HIGD1C: variants seen among roughly 807,000 people sequenced by gnomAD.
HIGD1C encodes the protein HIG1 hypoxia inducible domain family member 1C.
HIGD1C carries 11 observed loss-of-function variants against 13.1 expected under a neutral mutation model. That is an observed-to-expected ratio of 0.84 (90% CI 0.53 to 1.39). The LOEUF (loss-of-function observed/expected upper bound fraction) is 1.39, where lower values mean the gene tolerates loss of function less well. HIGD1C is among the 40% of genes most tolerant of loss of function. The pLI is 0.00. For synonymous variants in HIGD1C, 36 were observed against 37.7 expected, an observed-to-expected ratio of 0.95 and a Z score of 0.17; for missense variants, 110 against 112.0, an observed-to-expected ratio of 0.98 and a Z score of 0.08.
chr12:50,961,149 C>T (rs768461306), intron 2 of HIGD1C, 47 bp downstream of exon 4: 14 of 1,586,186 alleles, frequency 8.8e-6, no homozygotes, highest in Non-Finnish European at 1.2e-5. Context: ...TTTGAGAGTA[C>T]ATTTATTTAT....
upstream of HIGD1C, among the ~76,000 whole-genome samples, chr12:50,950,981 G>A (rs1938883424): frequency 6.7e-6 from 1 of 149,976 alleles, no homozygotes; most frequent in Non-Finnish European, 1.5e-5. Flanking sequence ...ACCGCGCCCG[G>A]CCATAAGTTT....
intron 2 of HIGD1C, among the ~76,000 whole-genome samples, chr12:50,968,379 G>A (rs1159801345): frequency 1.2e-4 from 18 of 151,786 alleles, no homozygotes; most frequent in Admixed American, 1.2e-3. Flanking sequence ...CAGTTACACT[G>A]ATTCTTTTTT....
At chr12:50,972,383 G>T (rs1191156264), downstream of HIGD1C, among the ~76,000 whole-genome samples, 1 of 152,144 alleles carries the variant, frequency 6.6e-6, no homozygotes, top group Non-Finnish European at 1.5e-5. Context: ...CTATGCATGA[G>T]AACCTACAAA....
chr12:50,949,849 C>A (rs1350656773), upstream of HIGD1C, among the ~76,000 whole-genome samples: 1 of 152,074 alleles, frequency 6.6e-6, no homozygotes, highest in African/African-American at 2.4e-5. Context: ...GTAGCAGAAC[C>A]ACCACCCAAG....
chr12:50,938,121 T>C, the HIGD1C span, among the ~76,000 whole-genome samples: 24 of 152,168 alleles, frequency 1.6e-4, no homozygotes, highest in African/African-American at 5.8e-4. Flanking sequence ...GCCATCAATA[T>C]GCCCTCCACA....
the HIGD1C span, chr12:50,935,603 C>G: frequency 6.6e-6 from 1 of 152,240 alleles, no homozygotes; most frequent in South Asian, 2.1e-4. Flanking sequence ...ATCATCCTGC[C>G]TCAGGCTCCT....
At chr12:50,961,460 G>A (rs76637716) in intron 2 of HIGD1C, among the ~76,000 whole-genome samples, 5,551 of 152,244 alleles carry the variant, frequency 0.036, 150 homozygotes, top group Non-Finnish European at 0.055. Flanking sequence ...AGCAGCGATC[G>A]TATTTCCCAG....
At chr12:50,948,253 CAAAT>C in the HIGD1C span, among the ~76,000 whole-genome samples, 8 of 152,154 alleles carry the variant, frequency 5.3e-5, no homozygotes, top group Non-Finnish European at 1.0e-4. Flanking sequence ...TGAAACCTAA[CAAAT>C]AAGTTATTGA....
chr12:50,957,896 AC>A (rs1939161445), intron 1 of HIGD1C, among the ~76,000 whole-genome samples: 1 of 151,474 alleles, frequency 6.6e-6, no homozygotes, highest in Non-Finnish European at 1.5e-5. Flanking sequence ...AAGAAAAAAA[AC>A]AAAACAAAAA....
At chr12:50,941,901 T>G in the HIGD1C span, among the ~76,000 whole-genome samples, 1 of 152,168 alleles carries the variant, frequency 6.6e-6, no homozygotes, top group Non-Finnish European at 1.5e-5. Context: ...CCTTTTTTTC[T>G]TTTTTGAGAC....
At chr12:50,947,061 C>T in the HIGD1C span, among the ~76,000 whole-genome samples, 3 of 152,166 alleles carry the variant, frequency 2.0e-5, no homozygotes, top group African/African-American at 7.2e-5. Context: ...TCTACATCTG[C>T]TCCACTTCTA....
the HIGD1C span, among the ~76,000 whole-genome samples, chr12:50,936,586 C>T: frequency 3.3e-4 from 50 of 152,338 alleles, no homozygotes; most frequent in African/African-American, 1.2e-3. Flanking sequence ...GCCCAGGCCT[C>T]CCCCACTACA....
chr12:50,958,025 C>G (rs965197010), intron 1 of HIGD1C, among the ~76,000 whole-genome samples: 1 of 147,810 alleles, frequency 6.8e-6, no homozygotes. Context: ...AGGCTGGTCC[C>G]GAACTTCTGA....
the HIGD1C span, among the ~76,000 whole-genome samples, chr12:50,933,434 A>C: frequency 6.6e-6 from 1 of 152,274 alleles, no homozygotes; most frequent in Non-Finnish European, 1.5e-5. Context: ...AACAGACTTA[A>C]GCAGAAAAAG....
the HIGD1C span, among the ~76,000 whole-genome samples, chr12:50,944,944 A>G: frequency 6.6e-6 from 1 of 152,146 alleles, no homozygotes; most frequent in Non-Finnish European, 1.5e-5. Context: ...ACACAAATCA[A>G]TCAATGTAAT....
the HIGD1C span, among the ~76,000 whole-genome samples, chr12:50,938,873 T>C: frequency 6.6e-6 from 1 of 152,156 alleles, no homozygotes; most frequent in Non-Finnish European, 1.5e-5. Flanking sequence ...GATAAAACAG[T>C]AGAAAAACAC....
intron 2 of HIGD1C, among the ~76,000 whole-genome samples, chr12:50,967,806 A>T (rs1305753024): frequency 6.6e-6 from 1 of 152,176 alleles, no homozygotes; most frequent in Non-Finnish European, 1.5e-5. Flanking sequence ...CAAAACTACC[A>T]GTAGTGATAT....
At chr12:50,961,944 T>C (rs1426385849) in intron 2 of HIGD1C, among the ~76,000 whole-genome samples, 2 of 152,224 alleles carry the variant, frequency 1.3e-5, no homozygotes, top group Admixed American at 6.5e-5. Flanking sequence ...ATTTTCATCA[T>C]TCAGCAAACA....
chr12:50,965,569 T>C (rs1450892895), intron 2 of HIGD1C, among the ~76,000 whole-genome samples: 2 of 151,534 alleles, frequency 1.3e-5, no homozygotes, highest in African/African-American at 2.4e-5. Context: ...TAACAGAGAG[T>C]GGGTTCAGTG....
Sources: gnomAD v4.1 joint callset for allele counts (sites outside exome capture counted in the v4.1 genomes callset) on GRCh38, gnomAD v4.1.1 for gene constraint, MANE v1.5 for transcripts, NCBI Gene and HGNC (gene_info 2026-07-23, HGNC 2026-07-21) for gene names.